Variants in SH3GL2 observed in about 807,000 individuals in gnomAD.
The protein encoded by SH3GL2 is endophilin-A1.
In SH3GL2, 24 loss-of-function variants were observed where a neutral mutation model predicts 46.0. The ratio of observed to expected loss-of-function variants is 0.52; its 90% CI spans 0.38 to 0.73. The LOEUF is 0.73. Ranked by LOEUF, SH3GL2 falls within the 30% of genes least tolerant of loss-of-function variation. The probability of loss-of-function intolerance (pLI) is 0.00; values close to 1 mark genes in which losing one functional copy is unlikely to be tolerated. For missense variants in SH3GL2, 413 were observed against 424.2 expected, an observed-to-expected ratio of 0.97 and a Z score of 0.23; for synonymous variants, 196 against 147.1, an observed-to-expected ratio of 1.33 and a Z score of -2.40.
At chr9:17,724,845 C>T (rs759545111) in intron 1 of SH3GL2, among the ~76,000 whole-genome samples, 46 of 152,092 alleles carry the variant, frequency 3.0e-4, no homozygotes, top group African/African-American at 9.9e-4. Flanking sequence ...AGTGTGGGTT[C>T]GTAGGAGTCA....
chr9:17,720,623 C>A (rs1821871963), intron 1 of SH3GL2, among the ~76,000 whole-genome samples: 1 of 151,972 alleles, frequency 6.6e-6, no homozygotes, highest in Admixed American at 6.6e-5. Flanking sequence ...CAGTTCACTA[C>A]CTGCTAAGAA....
intron 1 of SH3GL2, among the ~76,000 whole-genome samples, chr9:17,597,469 A>T (rs984471575): frequency 6.6e-6 from 1 of 152,020 alleles, no homozygotes; most frequent in Non-Finnish European, 1.5e-5. Context: ...GTGAGCCAAG[A>T]TCATGCCACT....
rs1490318948 is a variant in SH3GL2, at chr9:17,628,448, G to GTA, written c.45+49162_45+49163insAT. Among the ~76,000 whole-genome samples, 8 of 139,938 alleles carry GTA rather than the reference G, an allele frequency of 5.7e-5. No individual in the cohort carries two copies. The East Asian group carries it at 1.7e-3, about 29-fold the overall frequency. The allele number at this position is 139,938 out of a possible 152,430, so 91.8% of individuals were successfully genotyped here. A position where few individuals can be genotyped will look rare whatever the true frequency, so the allele number is the denominator to read the frequency against. On this transcript the variant is annotated intron_variant, in intron 1 of 8. Transcript: ENST00000380607. Reference sequence around the variant, plus strand: ...TGTGTGTGTGTGTGTGTGTGTGTGTGTGTGTATGTGCATGCACATTTATCT... The same window carrying GTA: ...TGTGTGTGTGTGTGTGTGTGTGTGTGTATGTGTATGTGCATGCACATTTATCT...
chr9:17,604,502 C>G (rs1818729576), intron 1 of SH3GL2, among the ~76,000 whole-genome samples: 1 of 152,212 alleles, frequency 6.6e-6, no homozygotes, highest in African/African-American at 2.4e-5. Context: ...TGCAAAGAGC[C>G]TTTAGGGACA....
chr9:17,703,194 T>A (rs1821380197), intron 1 of SH3GL2, among the ~76,000 whole-genome samples: 1 of 151,936 alleles, frequency 6.6e-6, no homozygotes, highest in African/African-American at 2.4e-5. Context: ...ATGAGCTGCA[T>A]TATTTGGGTA....
rs564666158 is a variant in SH3GL2, at chr9:17,659,112, A to G, written c.45+79825A>G. On this transcript the variant is annotated intron_variant, in intron 1 of 8. Coordinates refer to ENST00000380607, the MANE Select transcript of SH3GL2 (RefSeq NM_003026.5). ...TAACTGGAGATAGAACTGGGAAGCC[A>G]GGGAGAGAATATAGAGTGCAGAAAA... 2.0e-5 allele frequency among the ~76,000 whole-genome samples: 3 copies of G among 152,310 alleles called. No individual in the cohort carries two copies. In the South Asian group the frequency reaches 6.2e-4, roughly 32 times the overall value.
chr9:17,739,664 G>C (rs3808687), intron 1 of SH3GL2, among the ~76,000 whole-genome samples: 66,552 of 151,920 alleles, frequency 0.44, 14,695 homozygotes, highest in East Asian at 0.5. Context: ...AACATTTTCT[G>C]TAAGGCAAAA....
chr9:17,793,889 G>A (rs1824201636), intron 8 of SH3GL2, among the ~76,000 whole-genome samples: 4 of 152,202 alleles, frequency 2.6e-5, no homozygotes, highest in African/African-American at 7.2e-5. Context: ...GAATGCCCCT[G>A]GACAGTGTGT....
At chr9:17,718,893 G>C (rs1158581237) in intron 1 of SH3GL2, among the ~76,000 whole-genome samples, 3 of 152,070 alleles carry the variant, frequency 2.0e-5, no homozygotes, top group East Asian at 3.9e-4. Context: ...GTGATATAAG[G>C]AGAATCGATT....
intron 3 of SH3GL2, among the ~76,000 whole-genome samples, chr9:17,763,134 T>A (rs3808673): frequency 6.6e-6 from 1 of 151,960 alleles, no homozygotes; most frequent in East Asian, 1.9e-4. Context: ...TTTTTCTCCA[T>A]ATAAAGTAAA....
rs1455546401 is a variant in SH3GL2, at chr9:17,667,426, GACT to G, written c.46-79636_46-79634del. 5.3e-5 allele frequency among the ~76,000 whole-genome samples: 8 copies of G among 152,166 alleles called. No homozygotes were observed. The East Asian group carries it at 1.5e-3, about 29-fold the overall frequency. ...CCATACTTTCAGTCTCTAGGGATTTGACTACTGTTTTTTATGTCTGGCTTCTTT... is the reference window on the plus strand; with the variant it reads ...CCATACTTTCAGTCTCTAGGGATTTGACTGTTTTTTATGTCTGGCTTCTTT... On this transcript the variant is annotated intron_variant, in intron 1 of 8. Transcript: ENST00000380607.
chr9:17,795,827 C>A lies in SH3GL2; in HGVS notation c.*84C>A. 8.7e-7 allele frequency: 1 copy of A among 1,146,282 alleles called. No individual in the cohort carries two copies. Among genetic ancestry groups the A allele is most frequent in the South Asian group, 1.4e-5 (1 of 69,196 alleles). 71.0% of individuals were successfully genotyped at this position (1,146,282 alleles called of 1,614,324 possible). ...TTTGGCAATGCTGCTTATAACACATCCCAAGTGCAGGCCGCAGTGGTCCAC... is the reference window on the plus strand; with the variant it reads ...TTTGGCAATGCTGCTTATAACACATACCAAGTGCAGGCCGCAGTGGTCCAC... On this transcript the variant is annotated 3_prime_UTR_variant, in exon 9 of 9. Transcript: ENST00000380607.
chr9:17,674,786 G>C (rs1820567414), intron 1 of SH3GL2, among the ~76,000 whole-genome samples: 1 of 152,118 alleles, frequency 6.6e-6, no homozygotes, highest in South Asian at 2.1e-4. Context: ...TCCTTAAGGG[G>C]ACTGGCCAGG....
chr9:17,788,911 C>G (rs1824040690), intron 5 of SH3GL2, among the ~76,000 whole-genome samples: 2 of 152,294 alleles, frequency 1.3e-5, no homozygotes, highest in Admixed American at 1.3e-4. Flanking sequence ...TTACGTGATT[C>G]TAACAGACTG....
chr9:17,702,397 A>G (rs1821361458), intron 1 of SH3GL2, among the ~76,000 whole-genome samples: 1 of 152,076 alleles, frequency 6.6e-6, no homozygotes, highest in Non-Finnish European at 1.5e-5. Context: ...TATAAAGGAA[A>G]GAATCAGGAT....
chr9:17,786,252 G>C (rs777528801), intron 3 of SH3GL2, 129 bp from the exon 4 acceptor site: 1 of 747,404 alleles, frequency 1.3e-6, no homozygotes, highest in Non-Finnish European at 2.2e-6. Context: ...ACACTGGAGC[G>C]TACTGAAGGT....
At chr9:17,687,912 C>G (rs1668853376) in intron 1 of SH3GL2, among the ~76,000 whole-genome samples, 1 of 152,034 alleles carries the variant, frequency 6.6e-6, no homozygotes. Flanking sequence ...ACAGCCAGTT[C>G]TGTTATGTAA....
At chr9:17,681,028 C>T (rs1330997482) in intron 1 of SH3GL2, among the ~76,000 whole-genome samples, 2 of 152,030 alleles carry the variant, frequency 1.3e-5, no homozygotes, top group African/African-American at 4.8e-5. Flanking sequence ...TTTACATTTG[C>T]TGAGGAGAGC....
At chr9:17,715,253 T>C (rs1318658070) in intron 1 of SH3GL2, among the ~76,000 whole-genome samples, 1 of 151,200 alleles carries the variant, frequency 6.6e-6, no homozygotes, top group African/African-American at 2.4e-5. Context: ...CAAAATTGCT[T>C]TGTTGTCCAG....
Sources: allele counts gnomAD v4.1 joint callset (sites outside exome capture counted in the v4.1 genomes callset), GRCh38; gene constraint gnomAD v4.1.1; transcripts MANE v1.5; gene names NCBI Gene and HGNC (gene_info 2026-07-23, HGNC 2026-07-21).